The following RFTN1 variants were observed in gnomAD, a reference collection of about 807,000 sequenced individuals.
The protein encoded by RFTN1 is raftlin, lipid raft linker 1.
Under a neutral mutation model 46.5 loss-of-function variants are expected in RFTN1, and 26 were observed. The observed-to-expected ratio is 0.56, with a 90% CI of 0.41 to 0.78. RFTN1 has a LOEUF of 0.78. RFTN1 is among the 30% of genes least tolerant of loss of function. The pLI is 0.00. For synonymous variants in RFTN1, 261 were observed against 284.2 expected (o/e 0.92, Z 0.82); for missense variants, 693 against 718.7 (o/e 0.96, Z 0.41).
At chr3:16,391,894 G>GT (rs147487784) in intron 4 of RFTN1, among the ~76,000 whole-genome samples, 6,979 of 32,934 alleles carry the variant, frequency 0.21, 623 homozygotes, top group African/African-American at 0.43. Context: ...TTTTTTTTTT[G>GT]TTTTTTTTAC....
At chr3:16,401,152 T>C (rs561881721) in intron 4 of RFTN1, among the ~76,000 whole-genome samples, 10 of 152,172 alleles carry the variant, frequency 6.6e-5, no homozygotes, top group Admixed American at 5.9e-4. Context: ...CACCACATGG[T>C]GAAGCCCTGT....
intron 2 of RFTN1, among the ~76,000 whole-genome samples, chr3:16,492,284 G>T (rs186350540): frequency 5.3e-5 from 8 of 152,136 alleles, no homozygotes; most frequent in Admixed American, 5.2e-4. Context: ...TGGAGCCTCC[G>T]CACGGAGACA....
rs2075591942 is a variant in RFTN1 at position 16,440,050 on chromosome 3, A to C, written c.146-6013T>G. Among the ~76,000 whole-genome samples the C allele has an allele frequency of 6.6e-6, 1 of 152,068 alleles. No homozygotes were observed. Among genetic ancestry groups the C allele is most frequent in the Non-Finnish European group, 1.5e-5 (1 of 68,006 alleles). On this transcript the variant is annotated intron_variant, in intron 2 of 9. Transcript: ENST00000334133. This position sits in a 1 kb window ranked among gnomAD's most constrained non-coding sequence, Gnocchi z 4.6. ...TCATAAGTTAAAATTTCTAATTATA[A>C]CTTCGTAGTCTGAAGATAAGGGACA...
chr3:16,358,133 C>T (rs2072576037), intron 6 of RFTN1, 86 bp from the exon 7 acceptor site: 1 of 749,086 alleles, frequency 1.3e-6, no homozygotes, highest in Non-Finnish European at 2.4e-6. Context: ...ATTTCCACTG[C>T]ATTCATTAAT....
At position 16,440,785 on chromosome 3, in the gene RFTN1, A is replaced by AT. The variant is rs947016766; in HGVS notation, c.146-6749dup. On this transcript the variant is annotated intron_variant, in intron 2 of 9. Coordinates refer to ENST00000334133, the MANE Select transcript of RFTN1 (RefSeq NM_015150.2). The surrounding 1 kb of genome is among the most constrained non-coding windows in gnomAD (Gnocchi z 4.6). Reference sequence around the variant, plus strand: ...TCTTTAAATGTGACAAGTAACTGTAATTTTTTTCTCAATCCCATATGGCCA... The same window carrying AT: ...TCTTTAAATGTGACAAGTAACTGTAATTTTTTTTCTCAATCCCATATGGCCA... 1.3e-5 allele frequency among the ~76,000 whole-genome samples: 2 copies of AT among 152,044 alleles called. No individual in the cohort carries two copies. The highest frequency in any genetic ancestry group is 2.4e-5 in the African/African-American group (1 of 41,388).
At chr3:16,491,749 AAAACAAAC>A (rs150594734) in intron 2 of RFTN1, among the ~76,000 whole-genome samples, 18 of 151,788 alleles carry the variant, frequency 1.2e-4, no homozygotes, top group African/African-American at 3.9e-4. Flanking sequence ...CACGATGCAA[AAAACAAAC>A]AAACAAACAA....
intron 2 of RFTN1, among the ~76,000 whole-genome samples, chr3:16,491,395 G>A (rs2076536189): frequency 6.6e-6 from 1 of 152,234 alleles, no homozygotes; most frequent in South Asian, 2.1e-4. Flanking sequence ...AGCCACAGGA[G>A]AGCTCTGAGC....
At chr3:16,325,210 C>A (rs929782577) in intron 8 of RFTN1, among the ~76,000 whole-genome samples, 1 of 152,164 alleles carries the variant, frequency 6.6e-6, no homozygotes, top group Non-Finnish European at 1.5e-5. Flanking sequence ...CAATGCTCCA[C>A]GGAATCCAAC....
chr3:16,377,466 C>G (rs1334865823), intron 5 of RFTN1, among the ~76,000 whole-genome samples: 1 of 152,206 alleles, frequency 6.6e-6, no homozygotes, highest in African/African-American at 2.4e-5. Flanking sequence ...CTAGAATCCA[C>G]TTCAAACGTG....
intron 4 of RFTN1, among the ~76,000 whole-genome samples, chr3:16,393,723 G>A (rs901247486): frequency 6.6e-5 from 10 of 151,672 alleles, no homozygotes; most frequent in Admixed American, 2.0e-4. Context: ...CAGTGGCACG[G>A]TCTTGGCTTA....
chr3:16,324,614 C>CCT (rs1049623877), intron 8 of RFTN1, among the ~76,000 whole-genome samples: 2 of 34,662 alleles, frequency 5.8e-5, no homozygotes, highest in South Asian at 7.0e-4. Context: ...ATGTCCCTGA[C>CCT]CCCCCCCCTT....
chr3:16,354,704 C>T (rs550244320), intron 7 of RFTN1, among the ~76,000 whole-genome samples: 4 of 152,344 alleles, frequency 2.6e-5, no homozygotes, highest in South Asian at 2.1e-4. Flanking sequence ...TTCTTGACAA[C>T]GAAGCCAGGC....
At position 16,509,721 on chromosome 3, in the gene RFTN1, C is replaced by T. The variant is rs754545128; in HGVS notation, c.-9+3721G>A. Among the ~76,000 whole-genome samples, 14 of 152,172 alleles carry T rather than the reference C, an allele frequency of 9.2e-5. No individual in the cohort carries two copies. The highest frequency in any genetic ancestry group is 1.3e-4 in the Non-Finnish European group (9 of 68,028). ...AAAATACATCCTGGGGCCCTGACAT[C>T]TTGACACCCACTGTCAACCTCCAGA... is the stretch of plus-strand genomic sequence containing the variant. On this transcript the variant is annotated intron_variant, in intron 1 of 9. Coordinates refer to ENST00000334133, the MANE Select transcript of RFTN1 (RefSeq NM_015150.2). This position sits in a 1 kb window ranked among gnomAD's most constrained non-coding sequence, Gnocchi z 4.9.
intron 6 of RFTN1, among the ~76,000 whole-genome samples, chr3:16,367,843 T>C (rs1314737900): frequency 6.6e-6 from 1 of 152,058 alleles, no homozygotes; most frequent in African/African-American, 2.4e-5. Context: ...CCAAGTGTTC[T>C]TTCTTGGAGG....
chr3:16,510,498 A>G (rs1428252130), intron 1 of RFTN1, among the ~76,000 whole-genome samples: 1 of 152,190 alleles, frequency 6.6e-6, no homozygotes, highest in African/African-American at 2.4e-5. Flanking sequence ...GTTTAAACCC[A>G]TTTTCAGGCA....
At chr3:16,471,055 G>T (rs2076186256) in intron 2 of RFTN1, among the ~76,000 whole-genome samples, 1 of 152,122 alleles carries the variant, frequency 6.6e-6, no homozygotes, top group African/African-American at 2.4e-5. Context: ...AATAGAAGTG[G>T]TCTCCACTTT....
chr3:16,472,298 A>G (rs2076213552), intron 2 of RFTN1, among the ~76,000 whole-genome samples: 1 of 152,198 alleles, frequency 6.6e-6, no homozygotes, highest in Admixed American at 6.5e-5. Flanking sequence ...TCTTCTCTGC[A>G]TAGCCCTCTT....
intron 4 of RFTN1, among the ~76,000 whole-genome samples, chr3:16,390,555 G>C (rs1214249683): frequency 6.6e-6 from 1 of 152,206 alleles, no homozygotes. Flanking sequence ...CTTAGGCTTA[G>C]TTCTTGTTTA....
rs1559385399 is a variant in RFTN1 at position 16,513,685 on chromosome 3, C to CGCTCCGGCTCCA, written c.-264_-253dup. The CGCTCCGGCTCCA allele has an allele frequency of 6.7e-6, 1 of 150,252 alleles. No homozygotes were observed. Among genetic ancestry groups the CGCTCCGGCTCCA allele is most frequent in the African/African-American group, 2.4e-5 (1 of 40,940 alleles). 9.3% of individuals were successfully genotyped at this position (150,252 alleles called of 1,614,324 possible). A position where few individuals can be genotyped will look rare whatever the true frequency, so the allele number is the denominator to read the frequency against. Reference sequence around the variant, plus strand: ...CGCTCGCTGCGCCCAGCGCCCGGCGCGCTCCGGCTCCAGCCCCGACGCGCC... The same window carrying CGCTCCGGCTCCA: ...CGCTCGCTGCGCCCAGCGCCCGGCGCGCTCCGGCTCCAGCTCCGGCTCCAGCCCCGACGCGCC... On this transcript the variant is annotated 5_prime_UTR_variant, in exon 1 of 10. Coordinates refer to ENST00000334133, the MANE Select transcript of RFTN1 (RefSeq NM_015150.2). This position sits in a 1 kb window ranked among gnomAD's most constrained non-coding sequence, Gnocchi z 5.4.
Sources: allele counts gnomAD v4.1 joint callset (sites outside exome capture counted in the v4.1 genomes callset), GRCh38; gene constraint gnomAD v4.1.1; non-coding constraint Gnocchi (gnomAD v3.1); transcripts MANE v1.5; gene names NCBI Gene and HGNC (gene_info 2026-07-23, HGNC 2026-07-21).